MGAT5B: variants seen among roughly 807,000 people sequenced by gnomAD.
The protein encoded by MGAT5B is alpha-1,6-mannosylglycoprotein 6-beta-N-acetylglucosaminyltransferase B, also known as N-acetylglucosaminyl-transferase Vb.
A neutral mutation model predicts 95.1 loss-of-function variants in MGAT5B; 54 were observed. The observed-to-expected ratio is 0.57, with a 90% CI of 0.46 to 0.71. The LOEUF is 0.71. MGAT5B is among the 30% of genes least tolerant of loss of function. MGAT5B has a pLI of 0.00. For synonymous variants in MGAT5B, 464 were observed against 451.0 expected (o/e 1.03, Z -0.36); for missense variants, 935 against 1,088.6 (o/e 0.86, Z 1.99).
chr17:76,935,867 AC>A (rs58915674), intron 12 of MGAT5B, among the ~76,000 whole-genome samples: 52,174 of 119,084 alleles, frequency 0.44, 11,676 homozygotes, highest in Non-Finnish European at 0.47. Context: ...TATATTATAT[AC>A]ATTATATATA....
At chr17:76,878,952 C>T (rs993174959) in intron 2 of MGAT5B, among the ~76,000 whole-genome samples, 1 of 152,146 alleles carries the variant, frequency 6.6e-6, no homozygotes, top group South Asian at 2.1e-4. Context: ...GTGACCTGCT[C>T]ACCTGTCTGG....
rs769346236 is a variant in MGAT5B, at chr17:76,947,876, C to G, written c.1970C>G (p.Pro657Arg). ...PDPALPEAHA[P>R]QSPFVLAPNA... ...CCTGCCCTACCAGAGGCCCACGCCC[C>G]GCAGAGCCCCTTTGTCCTGGCCCCC... Residue 657 changes from proline (P) to arginine (R), a missense_variant, in exon 17 of 18, where the codon CCG (proline) becomes CGG (arginine). Pro to Arg is a moderately radical substitution (Grantham distance 103, BLOSUM62 -2). This residue lies in a region of MGAT5B where 440 missense variants were observed against 523.6 expected (regional missense o/e 0.84). Transcript: ENST00000569840. 6.2e-7 allele frequency: 1 copy of G among 1,603,606 alleles called. No homozygotes were observed. The highest frequency in any genetic ancestry group is 1.1e-5 in the South Asian group (1 of 90,584).
At chr17:76,881,634 G>T (rs1478261533) in intron 2 of MGAT5B, among the ~76,000 whole-genome samples, 1 of 152,150 alleles carries the variant, frequency 6.6e-6, no homozygotes, top group Non-Finnish European at 1.5e-5. Flanking sequence ...CTAGACCAAG[G>T]CCCAGAAATC....
intron 8 of MGAT5B, among the ~76,000 whole-genome samples, chr17:76,921,024 T>C (rs1969108947): frequency 6.6e-6 from 1 of 152,188 alleles, no homozygotes; most frequent in Non-Finnish European, 1.5e-5. Flanking sequence ...AAGAGGTGAC[T>C]TGGGACATTG....
At chr17:76,934,868 G>A (rs1407921139) in intron 12 of MGAT5B, among the ~76,000 whole-genome samples, 4 of 152,140 alleles carry the variant, frequency 2.6e-5, no homozygotes, top group African/African-American at 9.7e-5. Context: ...AATGAAAGCA[G>A]CATCTTGGGA....
intron 3 of MGAT5B, among the ~76,000 whole-genome samples, chr17:76,897,711 T>TTCTTTCTTTCTTTCTC (rs2145173117): frequency 1.8e-5 from 2 of 110,484 alleles, no homozygotes; most frequent in East Asian, 5.1e-4. Context: ...CTTTCTTTCT[T>TTCTTTCTTTCTTTCTC]TCTTTCTTTC....
intron 9 of MGAT5B, 27 bp downstream of exon 9, chr17:76,925,124 C>T (rs374764742): frequency 2.3e-5 from 37 of 1,609,326 alleles, no homozygotes; most frequent in Middle Eastern, 1.7e-4. Context: ...AGGGTGGGCA[C>T]GTGGCCCACA....
intron 1 of MGAT5B, chr17:76,872,540 T>C (rs1967045728): frequency 4.5e-6 from 4 of 894,314 alleles, no homozygotes; most frequent in Middle Eastern, 3.5e-4. Flanking sequence ...GACTGCACTT[T>C]CAGGACTGCA....
At position 76,940,873 on chromosome 17, in the gene MGAT5B, G is replaced by A; in HGVS notation, c.1848+25G>A. 1 of 1,562,772 alleles carries A rather than the reference G, an allele frequency of 6.4e-7. No individual in the cohort carries two copies. Among genetic ancestry groups the A allele is most frequent in the Non-Finnish European group, 8.8e-7 (1 of 1,133,676 alleles). On this transcript the variant is annotated intron_variant, in intron 15 of 17. Coordinates refer to ENST00000569840, the MANE Select transcript of MGAT5B (RefSeq NM_001199172.2). This position sits in a 1 kb window ranked among gnomAD's most constrained non-coding sequence, Gnocchi z 4.3. ...GGTGAGAGCAGCCACATACAGTTGA[G>A]ACCCCCCACTAGTCCACACTGCTGG...
At chr17:76,941,724 G>A (rs1969867184) in intron 15 of MGAT5B, among the ~76,000 whole-genome samples, 1 of 152,168 alleles carries the variant, frequency 6.6e-6, no homozygotes. Context: ...GATTCCTCCA[G>A]GAAGTAACAT....
intron 3 of MGAT5B, among the ~76,000 whole-genome samples, chr17:76,894,852 CA>C (rs1162807852): frequency 1.8e-3 from 116 of 63,388 alleles, no homozygotes; most frequent in Middle Eastern, 9.4e-3. Flanking sequence ...GACTCTGTCT[CA>C]AAAAAAAAAA....
At position 76,937,842 on chromosome 17, in the gene MGAT5B, G is replaced by A. The variant is rs530194275; in HGVS notation, c.1429-146G>A. 2.1e-5 allele frequency: 18 copies of A among 850,470 alleles called. No homozygotes were observed. The South Asian group carries it at 2.6e-4, about 12-fold the overall frequency. 52.7% of individuals were successfully genotyped at this position (850,470 alleles called of 1,614,324 possible). A position where few individuals can be genotyped will look rare whatever the true frequency, so the allele number is the denominator to read the frequency against. ...GTTTTCAGGGCCAGAGAGGGGCGGG[G>A]CCTTTCCCAGTGTCCCACAGCCAGT... On this transcript the variant is annotated intron_variant, in intron 12 of 17. Transcript: ENST00000569840.
At chr17:76,925,692 G>A (rs1366002500) in intron 9 of MGAT5B, among the ~76,000 whole-genome samples, 1 of 152,174 alleles carries the variant, frequency 6.6e-6, no homozygotes. Context: ...ATTAATGCGA[G>A]TTCTCTATGC....
chr17:76,935,036 A>T (rs574364103), intron 12 of MGAT5B, among the ~76,000 whole-genome samples: 3 of 152,200 alleles, frequency 2.0e-5, no homozygotes, highest in Admixed American at 6.5e-5. Context: ...GGTCTGTCTT[A>T]TTCTGCATTC....
intron 9 of MGAT5B, among the ~76,000 whole-genome samples, chr17:76,925,394 A>G (rs8069668): frequency 1 from 147,604 of 147,608 alleles, 73,800 homozygotes; most frequent in Middle Eastern, 1. Context: ...TGAGGAATTG[A>G]AGAGAAGAGT....
intron 15 of MGAT5B, among the ~76,000 whole-genome samples, chr17:76,944,879 A>T (rs771896155): frequency 6.6e-6 from 1 of 152,240 alleles, no homozygotes; most frequent in Non-Finnish European, 1.5e-5. Context: ...TGAGGAAGAA[A>T]GGAGGTGGTT....
In MGAT5B at chr17:76,924,980, C is replaced by T. The variant is rs1306182011; in HGVS notation, c.1040C>T (p.Pro347Leu). The T allele has an allele frequency of 1.4e-5, 23 of 1,611,952 alleles. No homozygotes were observed. Among genetic ancestry groups the T allele is most frequent in the Middle Eastern group, 1.6e-4 (1 of 6,078 alleles). Residue 347 changes from proline to leucine, a missense_variant, in exon 9 of 18, where the codon CCG becomes CTG. Transcript: ENST00000569840. ...LKELQSNLGV[P>L]PGRGSCPLTM... ...TCTTCTCTCAGTAACTTAGGGGTAC[C>T]GCCAGGCCGGGGAAGCTGCCCGCTC...
At chr17:76,931,519 A>T (rs11655109) in intron 10 of MGAT5B, among the ~76,000 whole-genome samples, 79,081 of 152,126 alleles carry the variant, frequency 0.52, 21,538 homozygotes, top group Admixed American at 0.61. Flanking sequence ...GACCTCTCAC[A>T]GGCCCATGAG....
chr17:76,904,582 C>G (rs1968449753), intron 6 of MGAT5B, among the ~76,000 whole-genome samples, 160 bp downstream of exon 6: 1 of 152,228 alleles, frequency 6.6e-6, no homozygotes, highest in Non-Finnish European at 1.5e-5. Flanking sequence ...GGAGGCCAGC[C>G]TGCCAAGGCC....
Sources: allele counts gnomAD v4.1 joint callset (sites outside exome capture counted in the v4.1 genomes callset), GRCh38; gene constraint gnomAD v4.1.1; regional missense constraint gnomAD v4.1.1; non-coding constraint Gnocchi (gnomAD v3.1); transcripts MANE v1.5; gene names NCBI Gene and HGNC (gene_info 2026-07-23, HGNC 2026-07-21).